SYNE2: variants seen among roughly 807,000 people sequenced by gnomAD.
SYNE2 encodes the protein spectrin repeat containing nuclear envelope protein 2.
In SYNE2, 431 loss-of-function variants were observed where a neutral mutation model predicts 856.3. The observed-to-expected ratio is 0.50, with a 90% confidence interval of 0.47 to 0.55. The LOEUF (loss-of-function observed/expected upper bound fraction) is 0.55. SYNE2 is among the 20% of genes least tolerant of loss of function. The pLI is 0.00. For missense variants in SYNE2, 8,129 were observed against 8,023.2 expected (o/e 1.01, Z -0.50); for synonymous variants, 2,923 against 2,872.3 (o/e 1.02, Z -0.56).
At chr14:64,033,677 C>A (rs1342177125) in intron 45 of SYNE2, among the ~76,000 whole-genome samples, 2 of 151,716 alleles carry the variant, frequency 1.3e-5, no homozygotes, top group Non-Finnish European at 2.9e-5. Context: ...CAGAGCAAGA[C>A]CCTGTCTCAA....
chr14:63,905,830 C>A (rs1468465924), intron 1 of SYNE2, among the ~76,000 whole-genome samples: 1 of 152,100 alleles, frequency 6.6e-6, no homozygotes, highest in Non-Finnish European at 1.5e-5. Context: ...GCTTCCAGTG[C>A]TATGTTGAAT....
chr14:63,967,629 T>G (rs2096412563), intron 10 of SYNE2, 80 bp from the exon 11 acceptor site: 6 of 1,449,096 alleles, frequency 4.1e-6, no homozygotes, highest in Non-Finnish European at 5.7e-6. Context: ...ATCCTATACC[T>G]ATAGACCTCA....
At chr14:64,058,804 T>C (rs1037466708) in intron 49 of SYNE2, among the ~76,000 whole-genome samples, 1 of 152,202 alleles carries the variant, frequency 6.6e-6, no homozygotes, top group African/African-American at 2.4e-5. Flanking sequence ...ATTTACCTTT[T>C]TGAGGCTATT....
At chr14:64,061,527 T>C (rs2097316989) in intron 49 of SYNE2, among the ~76,000 whole-genome samples, 1 of 152,228 alleles carries the variant, frequency 6.6e-6, no homozygotes, top group Admixed American at 6.5e-5. Context: ...CAACATTTGA[T>C]ATTGTGAGAC....
chr14:64,152,713 T>A lies in SYNE2; in HGVS notation c.15789T>A (p.Thr5263=), dbSNP rs2098253833. The A allele has an allele frequency of 6.2e-7, 1 of 1,613,974 alleles. No individual in the cohort carries two copies. Among genetic ancestry groups the A allele is most frequent in the Non-Finnish European group, 8.5e-7 (1 of 1,179,990 alleles). ...TTCAAAAGAGAAGCAGTGTTCTCAC[T>A]CAGGTACTAGAATTCATTTGAAATG... ...ELFQKRSSVL[T]QVNQLKTSMQ... The change falls in exon 85 of 116, where the codon ACT becomes ACA. Residue 5263 remains threonine, a synonymous_variant. Coordinates refer to ENST00000555002, the MANE Select transcript of SYNE2 (RefSeq NM_182914.3).
intron 66 of SYNE2, among the ~76,000 whole-genome samples, chr14:64,114,573 G>A (rs985316696): frequency 6.6e-6 from 1 of 151,870 alleles, no homozygotes; most frequent in African/African-American, 2.4e-5. Context: ...CAGACAGACA[G>A]GCCAGCCTCC....
intron 1 of SYNE2, among the ~76,000 whole-genome samples, chr14:63,883,004 T>A (rs974335742): frequency 1.3e-5 from 2 of 148,760 alleles, no homozygotes; most frequent in Non-Finnish European, 3.0e-5. Flanking sequence ...TTTTTTTTTT[T>A]AATGAATTAG....
chr14:64,053,152 G>A lies in SYNE2; in HGVS notation c.9239G>A (p.Arg3080Lys). 3 of 1,614,142 alleles carry A rather than the reference G, an allele frequency of 1.9e-6. No homozygotes were observed. Among genetic ancestry groups the A allele is most frequent in the Non-Finnish European group, 2.5e-6 (3 of 1,180,024 alleles). ...LKAPDSSPES[R>K]RLNAQILSQR... ...GCTCCTGATAGCTCTCCGGAAAGCA[G>A]ACGGCTCAATGCCCAAATTTTAAGT... Residue 3080 changes from arginine (R) to lysine (K), a missense_variant, in exon 48 of 116, where the codon AGA becomes AAA. Physicochemically the swap from Arg to Lys is conservative, Grantham distance 26. Transcript: ENST00000555002.
intron 6 of SYNE2, among the ~76,000 whole-genome samples, chr14:63,948,769 T>C (rs1595823189): frequency 4.9e-5 from 2 of 40,732 alleles, no homozygotes; most frequent in South Asian, 1.0e-3. Context: ...TGTATATATA[T>C]GTATGTGTGT....
chr14:63,990,311 A>T, intron 19 of SYNE2, 100 bp from the exon 20 acceptor site: 1 of 1,203,316 alleles, frequency 8.3e-7, no homozygotes, highest in Admixed American at 2.3e-5. Context: ...CTGATTTTGG[A>T]TTAATAATGA....
intron 103 of SYNE2, among the ~76,000 whole-genome samples, chr14:64,210,933 C>CTTCCTGTCTCTCTCTCCT (rs1436754777): frequency 1.3e-4 from 20 of 152,008 alleles, no homozygotes; most frequent in African/African-American, 4.4e-4. Flanking sequence ...CTCTCTCTCC[C>CTTCCTGTCTCTCTCTCCT]TTCCTGTCTC....
At position 64,053,062 on chromosome 14, in the gene SYNE2, C is replaced by G. The variant is rs763273577; in HGVS notation, c.9149C>G (p.Ala3050Gly). Reference sequence around the variant, plus strand: ...GAGGAAGAACATGGCAAATATCAGGCATTATTAAGTAAAATGAGAGCTATT... The same window carrying G: ...GAGGAAGAACATGGCAAATATCAGGGATTATTAAGTAAAATGAGAGCTATT... Reference protein sequence around the residue: ...TFEEEHGKYQALLSKMRAIDL... With the variant: ...TFEEEHGKYQGLLSKMRAIDL... The change falls in exon 48 of 116, where the codon GCA becomes GGA. Residue 3050 changes from alanine (A) to glycine (G), a missense_variant. Physicochemically the swap from Ala to Gly is moderately conservative, Grantham distance 60. Coordinates refer to ENST00000555002, the MANE Select transcript of SYNE2 (RefSeq NM_182914.3). The G allele has an allele frequency of 6.5e-5, 105 of 1,613,814 alleles. 1 individual carries two copies. The South Asian group carries it at 1.1e-3, about 18-fold the overall frequency.
chr14:64,135,241 T>C (rs2098076975), intron 78 of SYNE2, among the ~76,000 whole-genome samples: 1 of 152,188 alleles, frequency 6.6e-6, no homozygotes, highest in Admixed American at 6.5e-5. Context: ...TAGAGGCAGT[T>C]ATGAAATATC....
chr14:64,101,934 T>C lies in SYNE2; in HGVS notation c.12384T>C (p.Asn4128=). The part of the protein sequence containing the change: ...EVEESSVKSD[N]GDEKAEPSPQ... ...TAACCAATCGTTTACTGTGATAGAA[T>C]GGAGATGAGAAGGCAGAGCCATCGC... The change falls in exon 64 of 116, where the codon AAT becomes AAC. Residue 4128 remains asparagine, a splice_region_variant and synonymous_variant. Transcript: ENST00000555002. 1 of 1,611,610 alleles carries C rather than the reference T, an allele frequency of 6.2e-7. No individual in the cohort carries two copies. Among genetic ancestry groups the C allele is most frequent in the South Asian group, 1.1e-5 (1 of 91,026 alleles).
intron 57 of SYNE2, among the ~76,000 whole-genome samples, chr14:64,083,076 G>A (rs1324843709): frequency 6.6e-6 from 1 of 152,138 alleles, no homozygotes; most frequent in Non-Finnish European, 1.5e-5. Flanking sequence ...AGGTGATTCA[G>A]CTCCTTTTTT....
In SYNE2 at chr14:64,216,273, G is replaced by C; in HGVS notation, c.19428G>C (p.Ser6476=). ...GTAAATCCATTTCGGATGGCCACTC[G>C]TGGCATGTTCCCGACAGCCCTTCCT... The part of the protein sequence containing the change: ...SSGKSISDGH[S]WHVPDSPSCP... The change falls in exon 108 of 116, where the codon TCG becomes TCC. Residue 6476 remains serine, a synonymous_variant. Coordinates refer to ENST00000555002, the MANE Select transcript of SYNE2 (RefSeq NM_182914.3). 1 of 1,614,132 alleles carries C rather than the reference G, an allele frequency of 6.2e-7. No individual in the cohort carries two copies. The highest frequency in any genetic ancestry group is 1.1e-5 in the South Asian group (1 of 91,078).
intron 100 of SYNE2, among the ~76,000 whole-genome samples, chr14:64,208,458 C>T (rs2098620231): frequency 6.6e-6 from 1 of 152,200 alleles, no homozygotes; most frequent in Non-Finnish European, 1.5e-5. Flanking sequence ...GGGCTCTCAA[C>T]AGTAATGGCG....
rs1891263736 is a variant in SYNE2 at position 63,854,571 on chromosome 14, T to C, written c.-52+1428T>C. Among the ~76,000 whole-genome samples the C allele has an allele frequency of 2.6e-5, 4 of 152,166 alleles. No homozygotes were observed. In the South Asian group the frequency reaches 8.3e-4, roughly 32 times the overall value. ...GTGTAATCCTCATTAAGTTTTTTCGTGGTGAAGAATGGAGATGTCAAAATA... is the reference window on the plus strand; with the variant it reads ...GTGTAATCCTCATTAAGTTTTTTCGCGGTGAAGAATGGAGATGTCAAAATA... On this transcript the variant is annotated intron_variant, in intron 1 of 115. Transcript: ENST00000555002.
intron 2 of SYNE2, among the ~76,000 whole-genome samples, chr14:63,924,838 T>TTTTTTTTTG: frequency 1.5e-5 from 1 of 66,184 alleles, no homozygotes; most frequent in African/African-American, 4.1e-5. Context: ...CTTGGTGTTT[T>TTTTTTTTTG]TTTTTTTTTT....
Sources: gnomAD v4.1 joint callset for allele counts (sites outside exome capture counted in the v4.1 genomes callset) on GRCh38, gnomAD v4.1.1 for gene constraint, MANE v1.5 for transcripts, NCBI Gene and HGNC (gene_info 2026-07-23, HGNC 2026-07-21) for gene names.